PIEZO1: variants seen among roughly 807,000 people sequenced by gnomAD.
PIEZO1 encodes the protein piezo type mechanosensitive ion channel component 1 (Er blood group).
A neutral mutation model predicts 297.2 loss-of-function variants in PIEZO1; 296 were observed. The observed-to-expected ratio is 1.00, with a 90% CI of 0.91 to 1.10. PIEZO1 has a LOEUF of 1.10. Ranked by LOEUF, PIEZO1 falls within the 50% of genes least tolerant of loss-of-function variation. PIEZO1 has a pLI of 0.00. For synonymous variants in PIEZO1, 2,427 were observed against 1,507.5 expected (o/e 1.61, Z -14.13); for missense variants, 5,018 against 3,455.5 (o/e 1.45, Z -11.34).
chr16:88,722,442 G>T, intron 35 of PIEZO1, 45 bp from the exon 36 acceptor site: 1 of 1,467,780 alleles, frequency 6.8e-7, no homozygotes, highest in Non-Finnish European at 9.0e-7. Flanking sequence ...TCTATGGCCT[G>T]ACCCCAGGCT....
chr16:88,734,771 G>A lies in PIEZO1; in HGVS notation c.1876C>T (p.Leu626Phe). ...ACCACGAGCCACCAGAAGGCCTTGAGCAGCTTCCGCCACAGGCTGTAGTAG... is the reference window on the plus strand; with the variant it reads ...ACCACGAGCCACCAGAAGGCCTTGAACAGCTTCCGCCACAGGCTGTAGTAG... ...QVYYSLWRKL[L>F]KAFWWLVVAY... The change falls in exon 15 of 51, where the codon CTC becomes TTC. Residue 626 changes from leucine (L) to phenylalanine (F), a missense_variant. Coordinates refer to ENST00000301015, the MANE Select transcript of PIEZO1 (RefSeq NM_001142864.4). 3.2e-6 allele frequency: 5 copies of A among 1,550,332 alleles called. No individual in the cohort carries two copies. The highest frequency in any genetic ancestry group is 4.4e-6 in the Non-Finnish European group (5 of 1,146,906).
In PIEZO1 at chr16:88,738,756, G is replaced by T. The variant is rs1394037640; in HGVS notation, c.466-20C>A. 1.3e-6 allele frequency: 2 copies of T among 1,522,206 alleles called. No homozygotes were observed. Among genetic ancestry groups the T allele is most frequent in the East Asian group, 4.9e-5 (2 of 40,562 alleles). The allele number at this position is 1,522,206 out of a possible 1,614,324, so 94.3% of individuals were successfully genotyped here. ...ATCATCCTGCCAAGGTCACGGACAG[G>T]GGCAAGGTCAGGTGTATCGCACTGA... is the stretch of plus-strand genomic sequence containing the variant. On this transcript the variant is annotated intron_variant, in intron 5 of 50. Coordinates refer to ENST00000301015, the MANE Select transcript of PIEZO1 (RefSeq NM_001142864.4).
Position 88,734,893 on chromosome 16 carries a change from G to T in PIEZO1, c.1830C>A (p.Leu610=), listed in dbSNP as rs1245645826. 1 of 1,550,262 alleles carries T rather than the reference G, an allele frequency of 6.5e-7. No homozygotes were observed. The highest frequency in any genetic ancestry group is 8.7e-7 in the Non-Finnish European group (1 of 1,146,968). The change falls in exon 14 of 51, where the codon CTC becomes CTA. Residue 610 remains leucine (L), a synonymous_variant. Transcript: ENST00000301015. ...CAGCCACCTGGAAGAGGGTGAGGCA[G>T]AGCAGGAAGAGGAACATGTAGACAA... ...YKIVYMFLFL[L]CLTLFQVYYS... is the part of the protein sequence containing the mutation.
Position 88,734,072 on chromosome 16 carries a change from A to G in PIEZO1, c.2181-18T>C, listed in dbSNP as rs748815685. 1 of 1,489,758 alleles carries G rather than the reference A, an allele frequency of 6.7e-7. No homozygotes were observed. The highest frequency in any genetic ancestry group is 1.3e-5 in the South Asian group (1 of 77,196). The allele number at this position is 1,489,758 out of a possible 1,614,324, so 92.3% of individuals were successfully genotyped here. On this transcript the variant is annotated intron_variant, in intron 16 of 50. Coordinates refer to ENST00000301015, the MANE Select transcript of PIEZO1 (RefSeq NM_001142864.4). ...CATCCTGCCTGGGAGAGGGTCCGAA[A>G]ATGTCATCTCCCAACTGGGTTCCTG... is the stretch of plus-strand genomic sequence containing the variant.
At position 88,716,126 on chromosome 16, in the gene PIEZO1, T is replaced by G; in HGVS notation, c.7130-7A>C. On this transcript the variant is annotated splice_polypyrimidine_tract_variant and splice_region_variant and intron_variant, in intron 49 of 50. Transcript: ENST00000301015. ...AGGTAGTCGGCCTCCTCATCTGGGATGGAGGGAGAAGATCGTTGAGGCCGC... is the reference window on the plus strand; with the variant it reads ...AGGTAGTCGGCCTCCTCATCTGGGAGGGAGGGAGAAGATCGTTGAGGCCGC... The G allele has an allele frequency of 6.5e-7, 1 of 1,539,612 alleles. No homozygotes were observed. The highest frequency in any genetic ancestry group is 8.8e-7 in the Non-Finnish European group (1 of 1,139,298).
At chr16:88,741,237 T>C (rs1200368224) in intron 5 of PIEZO1, 3 of 470,002 alleles carry the variant, frequency 6.4e-6, no homozygotes, top group African/African-American at 2.0e-5. Flanking sequence ...AGGGCACAGA[T>C]GCCATGTCGG....
At chr16:88,773,958 C>G (rs2142902865) in intron 1 of PIEZO1, among the ~76,000 whole-genome samples, 1 of 152,324 alleles carries the variant, frequency 6.6e-6, no homozygotes, top group East Asian at 1.9e-4. Context: ...CCCCGAGTCC[C>G]TTCAGCACCG....
chr16:88,755,540 T>A (rs1906611804), intron 1 of PIEZO1, among the ~76,000 whole-genome samples: 1 of 152,244 alleles, frequency 6.6e-6, no homozygotes, highest in Non-Finnish European at 1.5e-5. Flanking sequence ...GAGCTCTACC[T>A]GCCTGGAGGC....
At chr16:88,758,112 C>A (rs775683284) in intron 1 of PIEZO1, among the ~76,000 whole-genome samples, 2 of 152,148 alleles carry the variant, frequency 1.3e-5, no homozygotes, top group Non-Finnish European at 1.5e-5. Context: ...CCTCCTCAGC[C>A]CTGTGGTCCC....
rs1332498301 is a variant in PIEZO1 at position 88,733,760 on chromosome 16, G to C, written c.2330-15C>G. On this transcript the variant is annotated splice_polypyrimidine_tract_variant and intron_variant, in intron 17 of 50. Coordinates refer to ENST00000301015, the MANE Select transcript of PIEZO1 (RefSeq NM_001142864.4). The stretch of plus-strand genomic sequence containing the variant: ...CTTGGCTGCCCCTGTGATGGTGTGA[G>C]GGTCAGTGCGGGGCACAAACGGGGA... 6.5e-6 allele frequency: 10 copies of C among 1,528,258 alleles called. No homozygotes were observed. Among genetic ancestry groups the C allele is most frequent in the South Asian group, 1.2e-5 (1 of 81,656 alleles). The allele number at this position is 1,528,258 out of a possible 1,614,324, so 94.7% of individuals were successfully genotyped here.
At chr16:88,741,450 GAC>G (rs1283928113) in intron 5 of PIEZO1, 26 bp downstream of exon 5, 2 of 1,518,830 alleles carry the variant, frequency 1.3e-6, no homozygotes, top group African/African-American at 1.4e-5. Flanking sequence ...TGACCTCCCT[GAC>G]ACACGGGTGA....
chr16:88,720,438 G>A lies in PIEZO1; in HGVS notation c.5896C>T (p.Leu1966=), dbSNP rs1201378364. The A allele has an allele frequency of 2.6e-6, 4 of 1,550,370 alleles. No homozygotes were observed. Among genetic ancestry groups the A allele is most frequent in the East Asian group, 2.4e-5 (1 of 40,928 alleles). Residue 1966 remains leucine (L), a synonymous_variant, in exon 41 of 51, where the codon CTG becomes TTG. Coordinates refer to ENST00000301015, the MANE Select transcript of PIEZO1 (RefSeq NM_001142864.4). ...AATDVYALMF[L]ADVVDFIIII... The stretch of plus-strand genomic sequence containing the variant: ...ATGATGAAGTCGACAACATCAGCCA[G>A]GAACATGAGGGCATAGACGTCGGTG...
intron 1 of PIEZO1, among the ~76,000 whole-genome samples, chr16:88,756,848 G>A (rs1045462178): frequency 8.6e-5 from 13 of 152,038 alleles, no homozygotes; most frequent in Non-Finnish European, 1.3e-4. Context: ...AGGCCGAGGC[G>A]GGCAGATCAG....
At chr16:88,721,763 C>A (rs547160546) in intron 37 of PIEZO1, 37 bp from the exon 38 acceptor site, 20 of 1,534,678 alleles carry the variant, frequency 1.3e-5, no homozygotes, top group Non-Finnish European at 1.6e-5. Context: ...GGGAGGGTCA[C>A]GGCGCGGTGG....
At chr16:88,742,254 T>C in intron 3 of PIEZO1, 46 bp downstream of exon 3, 1 of 1,517,730 alleles carries the variant, frequency 6.6e-7, no homozygotes, top group Non-Finnish European at 8.8e-7. Flanking sequence ...GCCCTCTCCC[T>C]GACCCCCAGG....
At chr16:88,775,726 CAAAA>C (rs3052234) in intron 1 of PIEZO1, among the ~76,000 whole-genome samples, 6 of 98,748 alleles carry the variant, frequency 6.1e-5, no homozygotes, top group Non-Finnish European at 9.4e-5. Flanking sequence ...AAGACGCTGT[CAAAA>C]AAAAAAAAAA....
In PIEZO1 at chr16:88,736,643, A is replaced by G. The variant is rs1905236863; in HGVS notation, c.1292T>C (p.Met431Thr). The stretch of plus-strand genomic sequence containing the variant: ...CCAACCCCCACAGCCGCCTACCATC[A>G]TGGCAATGAGCGCGCACACATAGCT... ...DQSYVCALIA[M>T]MVWSITYHSW... The change falls in exon 11 of 51, where the codon ATG (methionine) becomes ACG (threonine). Residue 431 changes from methionine (M) to threonine (T), a missense_variant. Coordinates refer to ENST00000301015, the MANE Select transcript of PIEZO1 (RefSeq NM_001142864.4). The G allele has an allele frequency of 6.6e-7, 1 of 1,526,310 alleles. No homozygotes were observed. 94.5% of individuals were successfully genotyped at this position (1,526,310 alleles called of 1,614,324 possible).
Position 88,727,580 on chromosome 16 carries a change from G to T in PIEZO1, c.3278C>A (p.Ala1093Asp). 1.3e-6 allele frequency: 2 copies of T among 1,524,510 alleles called. No homozygotes were observed. The highest frequency in any genetic ancestry group is 1.2e-5 in the South Asian group (1 of 82,106). The allele number at this position is 1,524,510 out of a possible 1,614,324, so 94.4% of individuals were successfully genotyped here. ...KWLYLPDFFRAPNSTNLISDF... is the reference protein window; with the variant it reads ...KWLYLPDFFRDPNSTNLISDF... ...ACTGATGAGGTTGGTGGAGTTGGGG[G>T]CCCGGAAGAAATCAGGCAGGTACAG... is the stretch of plus-strand genomic sequence containing the variant. Residue 1093 changes from alanine to aspartate, a missense_variant, in exon 23 of 51, where the codon GCC becomes GAC. Physicochemically the swap from Ala to Asp is moderately radical, Grantham distance 126 (BLOSUM62 -2). Transcript: ENST00000301015.
At chr16:88,737,214 C>A (rs956270851) in intron 10 of PIEZO1, 16 of 280,896 alleles carry the variant, frequency 5.7e-5, no homozygotes, top group Non-Finnish European at 1.1e-4. Context: ...GGCCACTGGG[C>A]CACCTGGAGC....
Sources: gnomAD v4.1 joint callset for allele counts (sites outside exome capture counted in the v4.1 genomes callset) on GRCh38, gnomAD v4.1.1 for gene constraint, MANE v1.5 for transcripts, NCBI Gene and HGNC (gene_info 2026-07-23, HGNC 2026-07-21) for gene names.